AGTPBP1: variants seen among roughly 807,000 people sequenced by gnomAD.
The protein encoded by AGTPBP1 is ATP/GTP binding carboxypeptidase 1, also known as cytosolic carboxypeptidase 1.
Under a neutral mutation model 143.9 loss-of-function variants are expected in AGTPBP1, and 70 were observed. That is an observed-to-expected ratio of 0.49 (90% CI 0.40 to 0.59). AGTPBP1 has a LOEUF of 0.59. Among genes scored for constraint, AGTPBP1 ranks in the 20% least tolerant of loss-of-function variants. The pLI, the probability that AGTPBP1 is intolerant of heterozygous loss-of-function variation, is 0.00. For synonymous variants in AGTPBP1, 463 were observed against 500.2 expected (o/e 0.93, Z 0.99); for missense variants, 1,229 against 1,464.5 (o/e 0.84, Z 2.62).
intron 15 of AGTPBP1, among the ~76,000 whole-genome samples, 185 bp downstream of exon 15, chr9:85,621,017 T>C (rs908772615): frequency 6.6e-6 from 1 of 152,138 alleles, no homozygotes; most frequent in Non-Finnish European, 1.5e-5. Flanking sequence ...TGACTTACCA[T>C]TACCATTACA....
At chr9:85,583,198 C>T (rs1002195267) in intron 23 of AGTPBP1, among the ~76,000 whole-genome samples, 25 of 152,112 alleles carry the variant, frequency 1.6e-4, no homozygotes, top group African/African-American at 5.3e-4. Flanking sequence ...TGATTTTAAC[C>T]CAGTGAGCGC....
intron 14 of AGTPBP1, among the ~76,000 whole-genome samples, chr9:85,625,947 A>T (rs1354492445): frequency 1.4e-5 from 2 of 144,664 alleles, no homozygotes; most frequent in Non-Finnish European, 3.0e-5. Context: ...AAAACAATGG[A>T]AAGAAAATAA....
chr9:85,688,877 C>T (rs563477775), intron 3 of AGTPBP1, among the ~76,000 whole-genome samples: 2 of 152,312 alleles, frequency 1.3e-5, no homozygotes, highest in African/African-American at 4.8e-5. Context: ...TATTCTCCCC[C>T]ATTCCTATTC....
intron 6 of AGTPBP1, 112 bp downstream of exon 6, chr9:85,677,324 A>G (rs1406043601): frequency 1.1e-6 from 1 of 941,652 alleles, no homozygotes; most frequent in Non-Finnish European, 1.6e-6. Flanking sequence ...TTGTGTATCC[A>G]TAGAAATTTA....
intron 1 of AGTPBP1, among the ~76,000 whole-genome samples, chr9:85,722,661 A>G (rs1838205981): frequency 6.6e-6 from 1 of 152,200 alleles, no homozygotes; most frequent in Non-Finnish European, 1.5e-5. Flanking sequence ...AACCTTTCTG[A>G]AGCCTACTTC....
chr9:85,753,437 A>T, the AGTPBP1 span: 1 of 1,613,424 alleles, frequency 6.2e-7, no homozygotes, highest in Non-Finnish European at 8.5e-7. Flanking sequence ...AATTCTATTT[A>T]GCGTTTCCTG....
At position 85,586,848 on chromosome 9, in the gene AGTPBP1, C is replaced by T. The variant is rs1828643589; in HGVS notation, c.3016G>A (p.Val1006Met). The T allele has an allele frequency of 6.2e-7, 1 of 1,613,720 alleles. No individual in the cohort carries two copies. Among genetic ancestry groups the T allele is most frequent in the African/African-American group, 1.3e-5 (1 of 74,930 alleles). The change falls in exon 22 of 26, where the codon GTG (valine) becomes ATG (methionine). Residue 1006 changes from valine (V) to methionine (M), a missense_variant. By Grantham distance (21) the Val-to-Met change is conservative (BLOSUM62 1). Transcript: ENST00000357081. ...AKGLLQYLAA[V>M]KRLPLVYCDY... ...CTACTTACCAAGGGTAAACGCTTCA[C>T]TGCAGCCAAGTATTGCAACAGCCCC... is the stretch of plus-strand genomic sequence containing the variant.
At chr9:85,655,884 G>A (rs879677492) in intron 10 of AGTPBP1, among the ~76,000 whole-genome samples, 13 of 152,184 alleles carry the variant, frequency 8.5e-5, no homozygotes, top group Non-Finnish European at 1.8e-4. Context: ...CTGGAGTGAA[G>A]TAGAGCTATC....
intron 25 of AGTPBP1, among the ~76,000 whole-genome samples, chr9:85,556,281 T>C (rs1826336145): frequency 6.6e-6 from 1 of 152,164 alleles, no homozygotes; most frequent in Non-Finnish European, 1.5e-5. Context: ...GTAATTTTTA[T>C]TATACTCTAA....
intron 25 of AGTPBP1, among the ~76,000 whole-genome samples, chr9:85,574,463 CA>C (rs4011699): frequency 0.46 from 53,060 of 115,890 alleles, 10,344 homozygotes; most frequent in Middle Eastern, 0.5. Flanking sequence ...CAAGAATGAT[CA>C]AAAAAAAAAA....
At chr9:85,719,458 CTCTG>C (rs1837953938) in intron 1 of AGTPBP1, among the ~76,000 whole-genome samples, 1 of 151,738 alleles carries the variant, frequency 6.6e-6, no homozygotes, top group African/African-American at 2.4e-5. Context: ...CATGATTTGG[CTCTG>C]TCTGTAATTG....
intron 4 of AGTPBP1, among the ~76,000 whole-genome samples, chr9:85,680,302 G>A (rs979201879): frequency 6.6e-6 from 1 of 152,130 alleles, no homozygotes; most frequent in African/African-American, 2.4e-5. Flanking sequence ...AAAACTGTTA[G>A]GCCGGGCACA....
At chr9:85,553,899 G>A (rs923664318) in intron 25 of AGTPBP1, 4 of 152,186 alleles carry the variant, frequency 2.6e-5, no homozygotes, top group African/African-American at 9.7e-5. Flanking sequence ...TTCAGCCTCA[G>A]CTGCACACAT....
chr9:85,593,105 A>T (rs769547738), intron 18 of AGTPBP1, among the ~76,000 whole-genome samples: 2 of 152,176 alleles, frequency 1.3e-5, no homozygotes, highest in Non-Finnish European at 2.9e-5. Flanking sequence ...ATCAATCTTA[A>T]GATTACAAAA....
the AGTPBP1 span, among the ~76,000 whole-genome samples, chr9:85,768,856 C>A: frequency 1.3e-5 from 2 of 151,030 alleles, no homozygotes; most frequent in East Asian, 3.9e-4. Context: ...CAAGACCAGC[C>A]TGGCCAATGT....
intron 6 of AGTPBP1, among the ~76,000 whole-genome samples, chr9:85,674,735 A>G (rs972659521): frequency 2.0e-5 from 3 of 152,184 alleles, no homozygotes; most frequent in Admixed American, 6.5e-5. Context: ...CAACACCTAT[A>G]AAAACTACTA....
In AGTPBP1 at chr9:85,584,276, T is replaced by C. The variant is rs903367347; in HGVS notation, c.3165+1187A>G. ...TCTGAAGGTCGTGTGGCAGAAATAT[T>C]TGTTGACTGTTGACATGTTGGGCAT... is the stretch of plus-strand genomic sequence containing the variant. On this transcript the variant is annotated intron_variant, in intron 23 of 25. Transcript: ENST00000357081. Among the ~76,000 whole-genome samples the C allele has an allele frequency of 4.6e-5, 7 of 152,282 alleles. No individual in the cohort carries two copies. In the Middle Eastern group the frequency reaches 0.01, roughly 222 times the overall value.
At chr9:85,741,570 C>G (rs1353071871) in intron 1 of AGTPBP1, 2 of 985,336 alleles carry the variant, frequency 2.0e-6, no homozygotes, top group Non-Finnish European at 2.4e-6. Context: ...CAAAGCCCCA[C>G]CCCGTCAGGG....
chr9:85,741,706 A>G, intron 1 of AGTPBP1, 69 bp downstream of exon 1: 1 of 1,267,658 alleles, frequency 7.9e-7, no homozygotes, highest in South Asian at 2.7e-5. Flanking sequence ...CGTCGCTCGC[A>G]TCTCCCGCGG....
Sources: gnomAD v4.1 joint callset for allele counts (sites outside exome capture counted in the v4.1 genomes callset) on GRCh38, gnomAD v4.1.1 for gene constraint, MANE v1.5 for transcripts, NCBI Gene and HGNC (gene_info 2026-07-23, HGNC 2026-07-21) for gene names.